CYTH3: variants seen among roughly 807,000 people sequenced by gnomAD.
CYTH3 encodes the protein cytohesin-3.
In CYTH3, 23 loss-of-function variants were observed where a neutral mutation model predicts 55.1. The observed-to-expected ratio is 0.42, with a 90% CI of 0.30 to 0.59. The LOEUF is 0.59. Ranked by LOEUF, CYTH3 falls within the 20% of genes least tolerant of loss-of-function variation. The probability of loss-of-function intolerance (pLI) is 0.20; values close to 1 mark genes in which losing one functional copy is unlikely to be tolerated. For synonymous variants in CYTH3, 249 were observed against 194.9 expected, an observed-to-expected ratio of 1.28 and a Z score of -2.31; for missense variants, 413 against 524.8, an observed-to-expected ratio of 0.79 and a Z score of 2.08.
intron 6 of CYTH3, chr7:6,172,929 A>C (rs190854214): frequency 1.5e-5 from 18 of 1,175,994 alleles, no homozygotes; most frequent in Admixed American, 1.3e-4. Flanking sequence ...GGCCATGAGC[A>C]AACAGTCCAC....
Position 6,258,857 on chromosome 7 carries a change from G to A in CYTH3, c.34+13617C>T, listed in dbSNP as rs574571049. Among the ~76,000 whole-genome samples the A allele has an allele frequency of 1.4e-4, 22 of 152,234 alleles. No homozygotes were observed. In the South Asian group the frequency reaches 1.7e-3, roughly 11 times the overall value. On this transcript the variant is annotated intron_variant, in intron 1 of 12. Transcript: ENST00000350796. ...CTATAAAAATAGCTCAATAATTACC[G>A]CTTTGATGAACCCTCATATTATCAA... is the stretch of plus-strand genomic sequence containing the variant.
In CYTH3 at chr7:6,259,772, T is replaced by TATA. The variant is rs1491219669; in HGVS notation, c.34+12701_34+12702insTAT. 5.6e-4 allele frequency among the ~76,000 whole-genome samples: 17 copies of TATA among 30,502 alleles called. 1 individual carries two copies. The highest frequency in any genetic ancestry group is 2.1e-3 in the South Asian group (2 of 974). 20.0% of individuals were successfully genotyped at this position (30,502 alleles called of 152,430 possible). A position where few individuals can be genotyped will look rare whatever the true frequency, so the allele number is the denominator to read the frequency against. ...TATATATATATTATATATATATATA[T>TATA]TATATATATATAATATATATATATA... is the stretch of plus-strand genomic sequence containing the variant. On this transcript the variant is annotated intron_variant, in intron 1 of 12. Coordinates refer to ENST00000350796, the MANE Select transcript of CYTH3 (RefSeq NM_004227.4).
chr7:6,227,842 T>A (rs1187657364), intron 1 of CYTH3, among the ~76,000 whole-genome samples: 1 of 152,204 alleles, frequency 6.6e-6, no homozygotes, highest in Non-Finnish European at 1.5e-5. Context: ...AATTCCACAG[T>A]GAATGTGAAC....
At chr7:6,246,004 C>CA (rs913934675) in intron 1 of CYTH3, among the ~76,000 whole-genome samples, 1 of 151,896 alleles carries the variant, frequency 6.6e-6, no homozygotes, top group Non-Finnish European at 1.5e-5. Context: ...ACCCTCTCCC[C>CA]AAAAAAGGTA....
intron 1 of CYTH3, among the ~76,000 whole-genome samples, chr7:6,263,682 C>T (rs1184663142): frequency 6.6e-6 from 1 of 151,966 alleles, no homozygotes; most frequent in African/African-American, 2.4e-5. Context: ...CCTGTAATCC[C>T]AGCCACTCAA....
At chr7:6,229,748 C>T (rs551177716) in intron 1 of CYTH3, among the ~76,000 whole-genome samples, 68 of 149,598 alleles carry the variant, frequency 4.5e-4, no homozygotes, top group Non-Finnish European at 7.7e-4. Context: ...ACCCGGGAGG[C>T]GGAGTTTGCC....
At chr7:6,185,651 G>C (rs960779472) in intron 4 of CYTH3, among the ~76,000 whole-genome samples, 2 of 150,238 alleles carry the variant, frequency 1.3e-5, no homozygotes, top group Non-Finnish European at 2.9e-5. Context: ...GGTGGGCCGA[G>C]ATCGCACCAC....
intron 1 of CYTH3, among the ~76,000 whole-genome samples, chr7:6,198,373 A>C (rs1328637928): frequency 6.6e-6 from 1 of 152,260 alleles, no homozygotes; most frequent in Non-Finnish European, 1.5e-5. Flanking sequence ...CCAGCTGTTT[A>C]GTGACGTTCT....
chr7:6,234,904 AAAG>A lies in CYTH3; in HGVS notation c.34+37567_34+37569del, dbSNP rs1779478295. On this transcript the variant is annotated intron_variant, in intron 1 of 12. Coordinates refer to ENST00000350796, the MANE Select transcript of CYTH3 (RefSeq NM_004227.4). ...AATATGAGACGTGGCCCAAGTTGGT[AAAG>A]AAGGTCATTCAGTTATCAATGGTTC... 4.6e-5 allele frequency among the ~76,000 whole-genome samples: 7 copies of A among 152,312 alleles called. 1 individual carries two copies. The South Asian group carries it at 1.0e-3, about 23-fold the overall frequency.
At chr7:6,192,842 A>T (rs1783834149) in intron 1 of CYTH3, among the ~76,000 whole-genome samples, 1 of 151,706 alleles carries the variant, frequency 6.6e-6, no homozygotes, top group Non-Finnish European at 1.5e-5. Context: ...CCACAAGTCA[A>T]TTTTTAAAAG....
At chr7:6,173,057 C>T in intron 6 of CYTH3, 1 of 1,074,632 alleles carries the variant, frequency 9.3e-7, no homozygotes. Flanking sequence ...CTCCTCTCCC[C>T]CGGATGCTGC....
Position 6,272,599 on chromosome 7 carries a change from G to A in CYTH3, c.-92C>T, listed in dbSNP as rs1053061112. 29 of 1,015,754 alleles carry A rather than the reference G, an allele frequency of 2.9e-5. No homozygotes were observed. Among genetic ancestry groups the A allele is most frequent in the South Asian group, 1.4e-4 (3 of 21,930 alleles). 62.9% of individuals were successfully genotyped at this position (1,015,754 alleles called of 1,614,324 possible). On this transcript the variant is annotated 5_prime_UTR_variant, in exon 1 of 13. Transcript: ENST00000350796. ...CGCCGGAGGGAGCGCGCAGGCGACC[G>A]GGCGGCTCCTCAGCGCGCGGCCCGG... is the stretch of plus-strand genomic sequence containing the variant.
At chr7:6,200,222 G>C (rs1389125031) in intron 1 of CYTH3, among the ~76,000 whole-genome samples, 4 of 152,284 alleles carry the variant, frequency 2.6e-5, no homozygotes, top group Admixed American at 6.5e-5. Flanking sequence ...TTATCTAACA[G>C]ATTCCAATCT....
intron 4 of CYTH3, among the ~76,000 whole-genome samples, chr7:6,185,328 T>C (rs957288167): frequency 6.6e-6 from 1 of 151,466 alleles, no homozygotes; most frequent in East Asian, 1.9e-4. Context: ...CTCATGCCTG[T>C]AATCCCAGCA....
At chr7:6,238,874 AG>A (rs1433648902) in intron 1 of CYTH3, among the ~76,000 whole-genome samples, 1 of 151,720 alleles carries the variant, frequency 6.6e-6, no homozygotes, top group African/African-American at 2.4e-5. Context: ...TCTATTTAAA[AG>A]GGGAAAAGAT....
chr7:6,245,052 C>T (rs1443231871), intron 1 of CYTH3, among the ~76,000 whole-genome samples: 1 of 141,138 alleles, frequency 7.1e-6, no homozygotes, highest in Non-Finnish European at 1.5e-5. Flanking sequence ...ATCTCCTGAC[C>T]TCATGATCCA....
intron 1 of CYTH3, among the ~76,000 whole-genome samples, chr7:6,222,106 C>A (rs542802191): frequency 1.3e-3 from 196 of 152,316 alleles, no homozygotes; most frequent in Non-Finnish European, 2.2e-3. Flanking sequence ...GGAAAAGCAG[C>A]AGGACAGAGC....
chr7:6,186,748 C>T (rs1783661507), intron 4 of CYTH3, among the ~76,000 whole-genome samples: 1 of 152,178 alleles, frequency 6.6e-6, no homozygotes, highest in Non-Finnish European at 1.5e-5. Flanking sequence ...ACAGCAAGGG[C>T]ACTGCCTGGA....
chr7:6,179,665 CCACACACACACCACACACACCCCCCCA>C (rs1562881343), intron 4 of CYTH3, among the ~76,000 whole-genome samples: 7 of 96,236 alleles, frequency 7.3e-5, no homozygotes, highest in African/African-American at 2.4e-4. Context: ...CACACACACC[CCACACACACACCACACACACCCCCCCA>C]CACACACACC....
Sources: allele counts gnomAD v4.1 joint callset (sites outside exome capture counted in the v4.1 genomes callset), GRCh38; gene constraint gnomAD v4.1.1; transcripts MANE v1.5; gene names NCBI Gene and HGNC (gene_info 2026-07-23, HGNC 2026-07-21).